Variants in MGAT5 observed in about 807,000 individuals in gnomAD.
MGAT5 encodes the protein alpha-1,6-mannosylglycoprotein 6-beta-N-acetylglucosaminyltransferase A.
Under a neutral mutation model 94.3 loss-of-function variants are expected in MGAT5, and 30 were observed. That is an observed-to-expected ratio of 0.32 (90% confidence interval 0.24 to 0.43). MGAT5 has a LOEUF of 0.43. Ranked by LOEUF, MGAT5 falls within the 20% of genes least tolerant of loss-of-function variation. MGAT5 has a pLI of 1.00. For missense variants in MGAT5, 691 were observed against 905.5 expected, an observed-to-expected ratio of 0.76 and a Z score of 3.04; for synonymous variants, 310 against 322.9, an observed-to-expected ratio of 0.96 and a Z score of 0.43.
intron 13 of MGAT5, among the ~76,000 whole-genome samples, chr2:134,426,742 G>T (rs1462724906): frequency 6.6e-6 from 1 of 152,196 alleles, no homozygotes; most frequent in Admixed American, 6.5e-5. Context: ...TACATTTTGT[G>T]TGAAGGGCTG....
At chr2:134,390,976 G>A (rs1053729682) in intron 10 of MGAT5, among the ~76,000 whole-genome samples, 9 of 152,010 alleles carry the variant, frequency 5.9e-5, no homozygotes, top group Non-Finnish European at 7.4e-5. Flanking sequence ...AAAGGTCTTC[G>A]TTTCTTGGAC....
intron 8 of MGAT5, 47 bp downstream of exon 8, chr2:134,345,111 TAACAAAGGTTGC>T: frequency 6.3e-7 from 1 of 1,582,562 alleles, no homozygotes; most frequent in Non-Finnish European, 8.6e-7. Context: ...TTCCCCTCCT[TAACAAAGGTTGC>T]ATGGTTGTGG....
At chr2:134,301,877 A>C (rs1296088987) in intron 2 of MGAT5, among the ~76,000 whole-genome samples, 1 of 152,192 alleles carries the variant, frequency 6.6e-6, no homozygotes, top group East Asian at 1.9e-4. Flanking sequence ...GAGTATGGAT[A>C]TTCCTGCACA....
intron 1 of MGAT5, among the ~76,000 whole-genome samples, chr2:134,187,527 G>A (rs1336230674): frequency 6.6e-6 from 1 of 152,158 alleles, no homozygotes; most frequent in African/African-American, 2.4e-5. Flanking sequence ...TACTTGCTCT[G>A]TTTCTTTGAA....
chr2:134,203,655 A>G (rs1679901904), intron 1 of MGAT5, among the ~76,000 whole-genome samples: 1 of 151,634 alleles, frequency 6.6e-6, no homozygotes, highest in Non-Finnish European at 1.5e-5. Context: ...TGAGCAAGTC[A>G]CTCCACCAGA....
chr2:134,285,688 C>T (rs959712492), intron 2 of MGAT5, among the ~76,000 whole-genome samples: 1 of 152,154 alleles, frequency 6.6e-6, no homozygotes, highest in Non-Finnish European at 1.5e-5. Flanking sequence ...CTTGTTTCTT[C>T]CAGTAATATA....
chr2:134,121,724 T>C (rs995805812), intron 1 of MGAT5, among the ~76,000 whole-genome samples: 2 of 152,186 alleles, frequency 1.3e-5, no homozygotes, highest in African/African-American at 4.8e-5. Flanking sequence ...CTTGTAAACA[T>C]ACCCAGACCA....
At chr2:134,371,862 T>A (rs1182384236) in intron 10 of MGAT5, among the ~76,000 whole-genome samples, 1 of 151,964 alleles carries the variant, frequency 6.6e-6, no homozygotes, top group Non-Finnish European at 1.5e-5. Flanking sequence ...TAAGATGATT[T>A]CCAGTCTGTG....
chr2:134,221,597 A>G (rs1302761370), intron 1 of MGAT5, among the ~76,000 whole-genome samples: 2 of 152,202 alleles, frequency 1.3e-5, no homozygotes, highest in African/African-American at 4.8e-5. Context: ...TCTCTATAGA[A>G]TGTGGATTTT....
chr2:134,428,416 A>G lies in MGAT5; in HGVS notation c.1846A>G (p.Ile616Val), dbSNP rs1363866970. ...TACGTGCGAGGGGATGCTACAGAGAATCAATGCTTTCATTGAAAAACAGGT... is the reference window on the plus strand; with the variant it reads ...TACGTGCGAGGGGATGCTACAGAGAGTCAATGCTTTCATTGAAAAACAGGT... The part of the protein sequence containing the change: ...EFTCEGMLQR[I>V]NAFIEKQDFC... The change falls in exon 14 of 16, where the codon ATC becomes GTC. Residue 616 changes from isoleucine (I) to valine (V), a missense_variant. Physicochemically the swap from Ile to Val is conservative, Grantham distance 29. Around this residue, in one of 4 missense-constraint regions of MGAT5, gnomAD observed 260 missense variants for 347.0 expected, o/e 0.75. Coordinates refer to ENST00000281923, the MANE Select transcript of MGAT5 (RefSeq NM_002410.5). 1.9e-6 allele frequency: 3 copies of G among 1,613,980 alleles called. No homozygotes were observed. The highest frequency in any genetic ancestry group is 2.5e-6 in the Non-Finnish European group (3 of 1,180,000).
At chr2:134,302,300 T>A (rs2105827615) in intron 2 of MGAT5, among the ~76,000 whole-genome samples, 1 of 152,320 alleles carries the variant, frequency 6.6e-6, no homozygotes, top group South Asian at 2.1e-4. Context: ...GTTAATATTA[T>A]ACATTTCATG....
chr2:134,272,670 C>G, intron 2 of MGAT5, among the ~76,000 whole-genome samples: 1 of 152,170 alleles, frequency 6.6e-6, no homozygotes. Flanking sequence ...CATGATTTTA[C>G]TTAATCTTCT....
chr2:134,345,835 A>G (rs952071974), intron 8 of MGAT5, among the ~76,000 whole-genome samples: 2 of 152,160 alleles, frequency 1.3e-5, no homozygotes, highest in African/African-American at 4.8e-5. Flanking sequence ...AGGCAAAAGT[A>G]TCTATTCTGA....
intron 14 of MGAT5, among the ~76,000 whole-genome samples, chr2:134,434,052 C>G (rs1685032993): frequency 6.6e-6 from 1 of 152,136 alleles, no homozygotes; most frequent in Non-Finnish European, 1.5e-5. Flanking sequence ...CCACTTAGCC[C>G]TCTCTGACTG....
chr2:134,169,797 G>A (rs1326077405), intron 1 of MGAT5, among the ~76,000 whole-genome samples: 2 of 152,166 alleles, frequency 1.3e-5, no homozygotes, highest in Non-Finnish European at 2.9e-5. Context: ...GGGCCTTTTG[G>A]TTTCTTGGTG....
chr2:134,315,408 T>G (rs1045265242), intron 2 of MGAT5, among the ~76,000 whole-genome samples: 2 of 152,170 alleles, frequency 1.3e-5, no homozygotes, highest in African/African-American at 4.8e-5. Context: ...AAAATCAGAA[T>G]GAAAAATAGT....
chr2:134,393,261 G>A (rs1164755898), intron 10 of MGAT5, among the ~76,000 whole-genome samples: 1 of 152,110 alleles, frequency 6.6e-6, no homozygotes, highest in East Asian at 1.9e-4. Flanking sequence ...ACACAAATAT[G>A]GATAGGGCCC....
chr2:134,397,117 A>G (rs950531294), intron 10 of MGAT5, among the ~76,000 whole-genome samples: 1 of 152,182 alleles, frequency 6.6e-6, no homozygotes, highest in Non-Finnish European at 1.5e-5. Context: ...AGAAGCCCAG[A>G]TTGTGAAGGG....
At chr2:134,437,020 GCT>G (rs1004134390) in intron 14 of MGAT5, among the ~76,000 whole-genome samples, 46 of 152,244 alleles carry the variant, frequency 3.0e-4, no homozygotes, top group African/African-American at 1.1e-3. Flanking sequence ...ACAGAGTCTC[GCT>G]CTGTCGCCCA....
Sources: allele counts gnomAD v4.1 joint callset (sites outside exome capture counted in the v4.1 genomes callset), GRCh38; gene constraint gnomAD v4.1.1; regional missense constraint gnomAD v4.1.1; transcripts MANE v1.5; gene names NCBI Gene and HGNC (gene_info 2026-07-23, HGNC 2026-07-21).